The following ATP2A2 variants were observed in gnomAD, a reference collection of about 807,000 sequenced individuals.
ATP2A2 encodes sarcoplasmic/endoplasmic reticulum calcium ATPase 2.
Under a neutral mutation model 109.3 loss-of-function variants are expected in ATP2A2, and 14 were observed. That is an observed-to-expected ratio of 0.13 (90% CI 0.08 to 0.20). The LOEUF (loss-of-function observed/expected upper bound fraction) is 0.20. Among genes scored for constraint, ATP2A2 ranks in the 10% least tolerant of loss-of-function variants. ATP2A2 has a pLI of 1.00. For synonymous variants in ATP2A2, 506 were observed against 490.9 expected (o/e 1.03, Z -0.41); for missense variants, 657 against 1,321.6 (o/e 0.50, Z 7.80).
At chr12:110,285,901 C>G (rs899886415) in intron 3 of ATP2A2, among the ~76,000 whole-genome samples, 14 of 150,930 alleles carry the variant, frequency 9.3e-5, no homozygotes, top group Non-Finnish European at 1.5e-4. Context: ...CTACTAGACC[C>G]CCTTGAGTTA....
Position 110,346,220 on chromosome 12 carries a change from C to A in ATP2A2, c.2879C>A (p.Pro960Gln). The change falls in exon 20 of 20, where the codon CCG (proline) becomes CAG (glutamine). Residue 960 changes from proline to glutamine, a missense_variant. By Grantham distance (76) the Pro-to-Gln change is moderately conservative (BLOSUM62 -1). Transcript: ENST00000539276. ...EPLPLIFQIT[P>Q]LNVTQWLMVL... ...TGTCAGCTCATCTTCCAGATCACAC[C>A]GCTGAACGTGACCCAGTGGCTGATG... The A allele has an allele frequency of 6.2e-7, 1 of 1,614,174 alleles. No homozygotes were observed. Among genetic ancestry groups the A allele is most frequent in the South Asian group, 1.1e-5 (1 of 91,082 alleles).
Position 110,346,803 on chromosome 12 carries a change from T to C in ATP2A2, c.*333T>C, listed in dbSNP as rs112302327. The C allele has an allele frequency of 6.5e-5, 74 of 1,137,020 alleles. 4 individuals carry two copies. In the African/African-American group the frequency reaches 7.7e-4, roughly 12 times the overall value. The allele number at this position is 1,137,020 out of a possible 1,614,324, so 70.4% of individuals were successfully genotyped here. On this transcript the variant is annotated 3_prime_UTR_variant, in exon 20 of 20. Coordinates refer to ENST00000539276, the MANE Select transcript of ATP2A2 (RefSeq NM_170665.4). ...GAGCCAGCAGACATTGTCAGCAAAT[T>C]AATTGGCAGCAGATTTTAGGAAATG...
In ATP2A2 at chr12:110,347,133, C is replaced by T. The variant is rs760439803; in HGVS notation, c.*663C>T. ...TTTTAACGAGAGGTATGCCTGTACTCGCTTGTGCAGAAAACATTGTTCCAG... is the reference window on the plus strand; with the variant it reads ...TTTTAACGAGAGGTATGCCTGTACTTGCTTGTGCAGAAAACATTGTTCCAG... On this transcript the variant is annotated 3_prime_UTR_variant, in exon 20 of 20. Transcript: ENST00000539276. The T allele has an allele frequency of 2.5e-5, 29 of 1,178,572 alleles. No individual in the cohort carries two copies. The highest frequency in any genetic ancestry group is 4.9e-5 in the African/African-American group (3 of 61,634). The allele number at this position is 1,178,572 out of a possible 1,614,324, so 73.0% of individuals were successfully genotyped here.
intron 4 of ATP2A2, among the ~76,000 whole-genome samples, chr12:110,295,443 G>C (rs913425340): frequency 6.6e-6 from 1 of 152,162 alleles, no homozygotes; most frequent in Non-Finnish European, 1.5e-5. Context: ...GGGATTACAG[G>C]CATGAGCTAC....
rs1032106220 is a variant in ATP2A2, at chr12:110,347,255, C to T, written c.*785C>T. 8.1e-7 allele frequency: 1 copy of T among 1,227,994 alleles called. No homozygotes were observed. The highest frequency in any genetic ancestry group is 1.0e-6 in the Non-Finnish European group (1 of 959,142). 76.1% of individuals were successfully genotyped at this position (1,227,994 alleles called of 1,614,324 possible). A position where few individuals can be genotyped will look rare whatever the true frequency, so the allele number is the denominator to read the frequency against. On this transcript the variant is annotated 3_prime_UTR_variant, in exon 20 of 20. Transcript: ENST00000539276. ...ATTGTAACAGACATTGTTTTGCCAA[C>T]ATTGCCTATTTCAGTGGCACGTCAT...
At chr12:110,333,111 G>T in intron 9 of ATP2A2, 70 bp from the exon 10 acceptor site, 1 of 1,292,670 alleles carries the variant, frequency 7.7e-7, no homozygotes, top group Non-Finnish European at 1.1e-6. Flanking sequence ...CAATTGCGGG[G>T]GGGCAGGGGG....
intron 3 of ATP2A2, among the ~76,000 whole-genome samples, chr12:110,283,938 T>C: frequency 6.6e-6 from 1 of 152,370 alleles, no homozygotes; most frequent in Non-Finnish European, 1.5e-5. Flanking sequence ...TATACCCATC[T>C]TTTAAGTAGA....
chr12:110,339,129 T>C lies in ATP2A2; in HGVS notation c.1420-152T>C. ...GCATCTTAGTCTGTCTCTCCCAAAA[T>C]AGGGGACAAGTTTCATGAGGGCAAA... is the stretch of plus-strand genomic sequence containing the variant. On this transcript the variant is annotated intron_variant, in intron 11 of 19. Transcript: ENST00000539276. This position sits in a 1 kb window ranked among gnomAD's most constrained non-coding sequence, Gnocchi z 4.4. 3 of 1,014,572 alleles carry C rather than the reference T, an allele frequency of 3.0e-6. No homozygotes were observed. The highest frequency in any genetic ancestry group is 4.5e-6 in the Non-Finnish European group (3 of 672,640). The allele number at this position is 1,014,572 out of a possible 1,614,324, so 62.8% of individuals were successfully genotyped here. A position where few individuals can be genotyped will look rare whatever the true frequency, so the allele number is the denominator to read the frequency against.
chr12:110,345,943 C>A, intron 18 of ATP2A2, 58 bp from the exon 19 acceptor site: 1 of 1,535,042 alleles, frequency 6.5e-7, no homozygotes, highest in Non-Finnish European at 9.0e-7. Context: ...GTCTTACTGC[C>A]ACTGTGACAC....
rs1216621115 is a variant in ATP2A2, at chr12:110,340,733, G to A, written c.1836G>A (p.Leu612=). The change falls in exon 14 of 20, where the codon CTG becomes CTA. Residue 612 remains leucine (L), a synonymous_variant. Transcript: ENST00000539276. The surrounding 1 kb of genome is among the most constrained non-coding windows in gnomAD (Gnocchi z 6.0). ...PRIEVASSVK[L]CRQAGIRVIM... ...TCGAGGTGGCCTCCTCCGTGAAGCT[G>A]TGCCGGCAAGCAGGCATCCGGGTCA... The A allele has an allele frequency of 3.1e-6, 5 of 1,613,978 alleles. No homozygotes were observed. Among genetic ancestry groups the A allele is most frequent in the Non-Finnish European group, 4.2e-6 (5 of 1,180,010 alleles).
At position 110,309,306 on chromosome 12, in the gene ATP2A2, C is replaced by T. The variant is rs1054669538; in HGVS notation, c.463+12569C>T. Among the ~76,000 whole-genome samples the T allele has an allele frequency of 2.7e-4, 41 of 151,108 alleles. 1 individual carries two copies. The highest frequency in any genetic ancestry group is 8.7e-4 in the African/African-American group (36 of 41,190). On this transcript the variant is annotated intron_variant, in intron 5 of 19. Transcript: ENST00000539276. ...CCTAGTAGCAGGGATTACAAGTGCC[C>T]GCCACCACACCCGGCTAATTTTTGT...
intron 8 of ATP2A2, chr12:110,331,379 C>T (rs908446665): frequency 1.3e-5 from 2 of 152,140 alleles, no homozygotes; most frequent in Non-Finnish European, 2.9e-5. Context: ...TTTGCTCTGT[C>T]GCCCAGGCTA....
intron 1 of ATP2A2, 52 bp downstream of exon 1, chr12:110,281,959 G>T: frequency 7.0e-7 from 1 of 1,434,604 alleles, no homozygotes; most frequent in East Asian, 2.7e-5. Context: ...GGAGAGCCAG[G>T]GAAGATGGCT....
intron 6 of ATP2A2, 28 bp from the exon 7 acceptor site, chr12:110,326,362 T>C (rs1174136340): frequency 6.3e-7 from 1 of 1,597,582 alleles, no homozygotes; most frequent in South Asian, 1.1e-5. Context: ...CGCAGAGATC[T>C]GTTTTTTCTG....
intron 3 of ATP2A2, among the ~76,000 whole-genome samples, chr12:110,290,708 G>A (rs982818016): frequency 6.6e-6 from 1 of 151,978 alleles, no homozygotes; most frequent in South Asian, 2.1e-4. Context: ...AGGTTCAAGC[G>A]ATTCTCCTGC....
chr12:110,287,461 T>C (rs532160658), intron 3 of ATP2A2, among the ~76,000 whole-genome samples: 3 of 152,190 alleles, frequency 2.0e-5, no homozygotes, highest in Non-Finnish European at 4.4e-5. Context: ...ATTTGAAGCA[T>C]TGAACTTGTT....
intron 5 of ATP2A2, among the ~76,000 whole-genome samples, chr12:110,296,988 A>T (rs777997119): frequency 2.0e-5 from 3 of 152,198 alleles, no homozygotes; most frequent in Non-Finnish European, 4.4e-5. Flanking sequence ...GTTTAAATAC[A>T]TTGTAGAACA....
intron 4 of ATP2A2, among the ~76,000 whole-genome samples, chr12:110,293,107 ACT>A (rs1320108149): frequency 2.0e-5 from 3 of 151,598 alleles, no homozygotes; most frequent in Non-Finnish European, 2.9e-5. Context: ...TTTGAGACCG[ACT>A]CTCTGTCGCC....
At chr12:110,335,958 A>G (rs776157399) in intron 11 of ATP2A2, among the ~76,000 whole-genome samples, 64 of 152,200 alleles carry the variant, frequency 4.2e-4, no homozygotes, top group Non-Finnish European at 7.9e-4. Flanking sequence ...CTCCTACACT[A>G]TCTTAGAGTG....
Sources: allele counts gnomAD v4.1 joint callset (sites outside exome capture counted in the v4.1 genomes callset), GRCh38; gene constraint gnomAD v4.1.1; non-coding constraint Gnocchi (gnomAD v3.1); transcripts MANE v1.5; gene names NCBI Gene and HGNC (gene_info 2026-07-23, HGNC 2026-07-21).